The following SMYD1 variants were observed in gnomAD, a reference collection of about 807,000 sequenced individuals.
SMYD1 encodes the protein histone-lysine N-methyltransferase SMYD1.
Under a neutral mutation model 54.0 loss-of-function variants are expected in SMYD1, and 49 were observed. That is an observed-to-expected ratio of 0.91 (90% confidence interval 0.72 to 1.15). SMYD1 has a LOEUF of 1.15. Among genes scored for constraint, SMYD1 ranks in the 50% most tolerant of loss-of-function variants. The pLI is 0.00. For synonymous variants in SMYD1, 269 were observed against 234.2 expected, an observed-to-expected ratio of 1.15 and a Z score of -1.36; for missense variants, 653 against 639.6, an observed-to-expected ratio of 1.02 and a Z score of -0.23.
At chr2:88,096,869 C>A in intron 6 of SMYD1, 85 bp downstream of exon 6, 1 of 1,388,652 alleles carries the variant, frequency 7.2e-7, no homozygotes, top group Non-Finnish European at 9.8e-7. Flanking sequence ...ATCCGTGTGC[C>A]CTGCCCATGA....
intron 2 of SMYD1, among the ~76,000 whole-genome samples, chr2:88,086,847 A>G (rs79046972): frequency 7.5e-6 from 1 of 132,820 alleles, no homozygotes; most frequent in African/African-American, 2.9e-5. Flanking sequence ...TTTTTTTTTT[A>G]TTATACTTTA....
chr2:88,098,761 G>A (rs1456989708), intron 6 of SMYD1, among the ~76,000 whole-genome samples: 1 of 152,138 alleles, frequency 6.6e-6, no homozygotes, highest in Non-Finnish European at 1.5e-5. Flanking sequence ...AAAATGGGGA[G>A]TTGGACTAAC....
intron 1 of SMYD1, among the ~76,000 whole-genome samples, chr2:88,079,981 C>G (rs1573104171): frequency 6.6e-6 from 1 of 152,218 alleles, no homozygotes; most frequent in Non-Finnish European, 1.5e-5. Flanking sequence ...CATTTTAGCA[C>G]ATTTTAAAAT....
intron 1 of SMYD1, among the ~76,000 whole-genome samples, chr2:88,073,547 CTCT>C (rs1486318820): frequency 6.6e-6 from 1 of 152,172 alleles, no homozygotes; most frequent in African/African-American, 2.4e-5. Flanking sequence ...CAAGGGTGTG[CTCT>C]TCTTTTTCCT....
In SMYD1 at chr2:88,110,505, A is replaced by C; in HGVS notation, c.1466A>C (p.Lys489Thr). Residue 489 changes from lysine (K) to threonine (T), a missense_variant, in exon 10 of 10, where the codon AAG becomes ACG. Physicochemically the swap from Lys to Thr is moderately conservative, Grantham distance 78 (BLOSUM62 -1). Coordinates refer to ENST00000419482, the MANE Select transcript of SMYD1 (RefSeq NM_198274.4). ...CCATCCCCAGCTCTGTTCCACAAGA[A>C]GCAATGAGGACTGCCCAGTGGAGGA... is the stretch of plus-strand genomic sequence containing the variant. ...NEPSPALFHK[K>T]Q 6.3e-7 allele frequency: 1 copy of C among 1,579,028 alleles called. No homozygotes were observed.
chr2:88,089,018 C>T (rs1026607260), intron 3 of SMYD1, among the ~76,000 whole-genome samples: 1 of 152,144 alleles, frequency 6.6e-6, no homozygotes, highest in Admixed American at 6.5e-5. Flanking sequence ...CAGTCTTCAC[C>T]ATATTGGGGG....
chr2:88,073,911 C>A lies in SMYD1; in HGVS notation c.137+5910C>A, dbSNP rs569575991. 8.1e-4 allele frequency among the ~76,000 whole-genome samples: 124 copies of A among 152,248 alleles called. 3 individuals carry two copies. The South Asian group carries it at 0.025, about 31-fold the overall frequency. On this transcript the variant is annotated intron_variant, in intron 1 of 9. Coordinates refer to ENST00000419482, the MANE Select transcript of SMYD1 (RefSeq NM_198274.4). ...GATGCCCTCAATTTTTAAGTATATG[C>A]ATAACTCATTTGTTTATTACTCCTT...
intron 7 of SMYD1, among the ~76,000 whole-genome samples, chr2:88,104,221 C>T (rs1186473724): frequency 6.6e-6 from 1 of 152,202 alleles, no homozygotes; most frequent in Non-Finnish European, 1.5e-5. Flanking sequence ...CCGCCTTGGC[C>T]TCCCAAAGTG....
chr2:88,110,437 G>A lies in SMYD1; in HGVS notation c.1398G>A (p.Leu466=), dbSNP rs1317575183. The part of the protein sequence containing the change: ...FMYYKMREAA[L]NNQPMQVMAE... The stretch of plus-strand genomic sequence containing the variant: ...ACTACAAGATGCGCGAGGCTGCCCT[G>A]AACAACCAGCCCATGCAGGTCATGG... The change falls in exon 10 of 10, where the codon CTG becomes CTA. Residue 466 remains leucine (L), a synonymous_variant. Coordinates refer to ENST00000419482, the MANE Select transcript of SMYD1 (RefSeq NM_198274.4). 3 of 1,609,288 alleles carry A rather than the reference G, an allele frequency of 1.9e-6. No homozygotes were observed. The highest frequency in any genetic ancestry group is 2.2e-5 in the South Asian group (2 of 89,806).
chr2:88,098,781 A>G (rs1674658660), intron 6 of SMYD1, among the ~76,000 whole-genome samples: 1 of 151,986 alleles, frequency 6.6e-6, no homozygotes, highest in Admixed American at 6.6e-5. Flanking sequence ...CTTATTAACC[A>G]TTTCCTCAAG....
At position 88,112,300 on chromosome 2, in the gene SMYD1, CT is replaced by C; in HGVS notation, c.*1795del. 4.9e-6 allele frequency: 3 copies of C among 611,854 alleles called. No homozygotes were observed. The highest frequency in any genetic ancestry group is 2.8e-5 in the Admixed American group (1 of 35,776). 37.9% of individuals were successfully genotyped at this position (611,854 alleles called of 1,614,324 possible). A position where few individuals can be genotyped will look rare whatever the true frequency, so the allele number is the denominator to read the frequency against. On this transcript the variant is annotated 3_prime_UTR_variant, in exon 10 of 10. Coordinates refer to ENST00000419482, the MANE Select transcript of SMYD1 (RefSeq NM_198274.4). Reference sequence around the variant, plus strand: ...CTGGTCATTTCCCCATATTCGTAGTCTTTTTTTCCATCCTATCTTTCTAATA... The same window carrying C: ...CTGGTCATTTCCCCATATTCGTAGTCTTTTTTCCATCCTATCTTTCTAATA...
chr2:88,111,829 CT>C lies in SMYD1; in HGVS notation c.*1319del. ...TTTTGGGAGATCCTGGAAAAGATCCCTTCAGTTTGGGGTGTCACCAAGACTT... is the reference window on the plus strand; with the variant it reads ...TTTTGGGAGATCCTGGAAAAGATCCCTCAGTTTGGGGTGTCACCAAGACTT... On this transcript the variant is annotated 3_prime_UTR_variant, in exon 10 of 10. Transcript: ENST00000419482. 1 of 430,116 alleles carries C rather than the reference CT, an allele frequency of 2.3e-6. No individual in the cohort carries two copies. The highest frequency in any genetic ancestry group is 4.2e-6 in the Non-Finnish European group (1 of 238,632). 26.6% of individuals were successfully genotyped at this position (430,116 alleles called of 1,614,324 possible).
intron 3 of SMYD1, among the ~76,000 whole-genome samples, chr2:88,090,352 T>C (rs983466471): frequency 2.0e-5 from 3 of 152,242 alleles, no homozygotes; most frequent in African/African-American, 7.2e-5. Flanking sequence ...GTATTTTTCC[T>C]ACTGTGAGAG....
rs373800920 is a variant in SMYD1 at position 88,106,939 on chromosome 2, G to A, written c.1145+451G>A. ...ATTCTGGCCAGGCGCGGTGGCTCAC[G>A]CCTGTAATCCCAGCATTTTGGGAGG... On this transcript the variant is annotated intron_variant, in intron 8 of 9. Coordinates refer to ENST00000419482, the MANE Select transcript of SMYD1 (RefSeq NM_198274.4). Among the ~76,000 whole-genome samples the A allele has an allele frequency of 1.1e-4, 16 of 152,192 alleles. No individual in the cohort carries two copies. In the South Asian group the frequency reaches 1.9e-3, roughly 18 times the overall value.
Position 88,067,920 on chromosome 2 carries a change from G to A in SMYD1, c.56G>A (p.Arg19Lys), listed in dbSNP as rs1673865249. ...VEVFTAEGKG[R>K]GLKATKEFWA... is the part of the protein sequence containing the mutation. ...GTCTTCACCGCTGAGGGCAAAGGAAGGGGTCTGAAGGCCACCAAGGAGTTC... is the reference window on the plus strand; with the variant it reads ...GTCTTCACCGCTGAGGGCAAAGGAAAGGGTCTGAAGGCCACCAAGGAGTTC... The change falls in exon 1 of 10, where the codon AGG (arginine) becomes AAG (lysine). Residue 19 changes from arginine to lysine, a missense_variant. Physicochemically the swap from Arg to Lys is conservative, Grantham distance 26. Coordinates refer to ENST00000419482, the MANE Select transcript of SMYD1 (RefSeq NM_198274.4). 1 of 1,614,060 alleles carries A rather than the reference G, an allele frequency of 6.2e-7. No individual in the cohort carries two copies. The highest frequency in any genetic ancestry group is 8.5e-7 in the Non-Finnish European group (1 of 1,180,036).
At chr2:88,107,198 C>CAAA (rs552894410) in intron 8 of SMYD1, among the ~76,000 whole-genome samples, 2 of 145,334 alleles carry the variant, frequency 1.4e-5, no homozygotes, top group African/African-American at 5.0e-5. Flanking sequence ...AAGACTGTCT[C>CAAA]AAAAAAAAAA....
At chr2:88,068,988 C>T (rs890643014) in intron 1 of SMYD1, among the ~76,000 whole-genome samples, 9 of 152,022 alleles carry the variant, frequency 5.9e-5, no homozygotes, top group East Asian at 1.9e-4. Flanking sequence ...ATTGCTGGGC[C>T]GTAGGATGTG....
At chr2:88,095,732 T>A (rs928063860) in intron 5 of SMYD1, among the ~76,000 whole-genome samples, 7 of 152,232 alleles carry the variant, frequency 4.6e-5, no homozygotes, top group African/African-American at 1.7e-4. Flanking sequence ...ACCACTTGTT[T>A]TCTGTAGCTG....
chr2:88,089,367 C>T (rs551858603), intron 3 of SMYD1, among the ~76,000 whole-genome samples: 2 of 152,308 alleles, frequency 1.3e-5, no homozygotes, highest in East Asian at 3.9e-4. Flanking sequence ...ATTGACCAGC[C>T]ATGTGGGCAC....
Sources: allele counts gnomAD v4.1 joint callset (sites outside exome capture counted in the v4.1 genomes callset), GRCh38; gene constraint gnomAD v4.1.1; transcripts MANE v1.5; gene names NCBI Gene and HGNC (gene_info 2026-07-23, HGNC 2026-07-21).